Variants in DMRT3 observed in about 807,000 individuals in gnomAD.
DMRT3 encodes the protein doublesex and mab-3 related transcription factor 3.
Under a neutral mutation model 34.9 loss-of-function variants are expected in DMRT3, and 29 were observed. That is an observed-to-expected ratio of 0.83 (90% CI 0.62 to 1.13). DMRT3 has a LOEUF of 1.13. Ranked by LOEUF, DMRT3 falls within the 50% of genes most tolerant of loss-of-function variation. The probability of loss-of-function intolerance (pLI) is 0.00; values close to 1 mark genes in which losing one functional copy is unlikely to be tolerated. For synonymous variants in DMRT3, 350 were observed against 286.0 expected (o/e 1.22, Z -2.26); for missense variants, 772 against 629.1 (o/e 1.23, Z -2.43).
At chr9:978,249 C>A (rs1448853450) in intron 1 of DMRT3, among the ~76,000 whole-genome samples, 1 of 152,182 alleles carries the variant, frequency 6.6e-6, no homozygotes, top group Non-Finnish European at 1.5e-5. Context: ...TGATCCCCCA[C>A]CACCCATCCG....
chr9:984,909 AT>A (rs1258226006), intron 1 of DMRT3, among the ~76,000 whole-genome samples: 1 of 152,102 alleles, frequency 6.6e-6, no homozygotes, highest in Non-Finnish European at 1.5e-5. Context: ...TCAAACTGTA[AT>A]TTTAGATTGA....
chr9:990,321 G>GA lies in DMRT3; in HGVS notation c.738dup (p.Ala247SerfsTer7). 6.2e-7 allele frequency: 1 copy of GA among 1,613,794 alleles called. No homozygotes were observed. The highest frequency in any genetic ancestry group is 8.5e-7 in the Non-Finnish European group (1 of 1,180,032). On this transcript the variant is annotated frameshift_variant, in exon 2 of 2. Transcript: ENST00000190165. LOFTEE classifies it high-confidence loss of function. Reference sequence around the variant, plus strand: ...GGACTGTTTCTCTGCCCTTCAGCTTGAAAGCCAACAGACCGCCGCTTGAAG... The same window carrying GA: ...GGACTGTTTCTCTGCCCTTCAGCTTGAAAAGCCAACAGACCGCCGCTTGAAG...
At chr9:977,866 T>C (rs548390613) in intron 1 of DMRT3, among the ~76,000 whole-genome samples, 21 of 149,286 alleles carry the variant, frequency 1.4e-4, no homozygotes, top group African/African-American at 5.2e-4. Flanking sequence ...TCCTTGCCAT[T>C]TGGGGGTTGG....
At position 976,846 on chromosome 9, in the gene DMRT3, T is replaced by C; in HGVS notation, c.-156T>C. On this transcript the variant is annotated 5_prime_UTR_variant, in exon 1 of 2. Transcript: ENST00000190165. The surrounding 1 kb of genome is among the most constrained non-coding windows in gnomAD (Gnocchi z 4.5). Reference sequence around the variant, plus strand: ...GAGCTGGAGAGACGACTGCGGCACCTCCGGCCGCCCCGGAGCACACACGAC... The same window carrying C: ...GAGCTGGAGAGACGACTGCGGCACCCCCGGCCGCCCCGGAGCACACACGAC... The C allele has an allele frequency of 2.8e-6, 2 of 726,176 alleles. No individual in the cohort carries two copies. The highest frequency in any genetic ancestry group is 3.9e-6 in the Non-Finnish European group (2 of 511,242). 45.0% of individuals were successfully genotyped at this position (726,176 alleles called of 1,614,324 possible).
At chr9:989,981 C>T in intron 1 of DMRT3, 60 bp from the exon 2 acceptor site, 1 of 1,584,668 alleles carries the variant, frequency 6.3e-7, no homozygotes, top group Non-Finnish European at 8.6e-7. Flanking sequence ...CTCTTCTGAG[C>T]ACATCTGCTC....
Position 991,433 on chromosome 9 carries a change from G to C in DMRT3, c.*428G>C. On this transcript the variant is annotated 3_prime_UTR_variant, in exon 2 of 2. Transcript: ENST00000190165. ...AAAGGAAGTGGTTCTGTTGCAAATGGACTATAAACAGGGACATTATATTCT... is the reference window on the plus strand; with the variant it reads ...AAAGGAAGTGGTTCTGTTGCAAATGCACTATAAACAGGGACATTATATTCT... 6.3e-6 allele frequency: 1 copy of C among 158,346 alleles called. No individual in the cohort carries two copies. Among genetic ancestry groups the C allele is most frequent in the Admixed American group, 6.2e-5 (1 of 16,182 alleles). The allele number at this position is 158,346 out of a possible 1,614,324, so 9.8% of individuals were successfully genotyped here.
rs1303470760 is a variant in DMRT3, at chr9:990,293, C to G, written c.707C>G (p.Ser236Trp). ...EQNHLLIEGP[S>W]GTVSLPFSLK... is the part of the protein sequence containing the mutation. ...AATCACCTCCTGATTGAGGGCCCCT[C>G]GGGGACTGTTTCTCTGCCCTTCAGC... Residue 236 changes from serine (S) to tryptophan (W), a missense_variant, in exon 2 of 2, where the codon TCG (serine) becomes TGG (tryptophan). Physicochemically the swap from Ser to Trp is radical, Grantham distance 177 (BLOSUM62 -3). Transcript: ENST00000190165. 2 of 1,613,708 alleles carry G rather than the reference C, an allele frequency of 1.2e-6. No individual in the cohort carries two copies. Among genetic ancestry groups the G allele is most frequent in the Non-Finnish European group, 1.7e-6 (2 of 1,180,024 alleles).
intron 1 of DMRT3, among the ~76,000 whole-genome samples, chr9:989,521 A>T (rs1304368851): frequency 6.6e-6 from 1 of 152,236 alleles, no homozygotes; most frequent in Non-Finnish European, 1.5e-5. Flanking sequence ...TGATTGGTTC[A>T]TAAGACATAT....
rs369276136 is a variant in DMRT3 at position 977,161 on chromosome 9, A to G, written c.160A>G (p.Thr54Ala). ...HKRYCRFKDCTCEKCILIIER... is the reference protein window; with the variant it reads ...HKRYCRFKDCACEKCILIIER... ...GCGTTACTGCCGCTTCAAGGACTGC[A>G]CCTGCGAGAAGTGCATCCTCATCAT... Residue 54 changes from threonine to alanine, a missense_variant, in exon 1 of 2, where the codon ACC becomes GCC. By Grantham distance (58) the Thr-to-Ala change is moderately conservative. Coordinates refer to ENST00000190165, the MANE Select transcript of DMRT3 (RefSeq NM_021240.4). 1.4e-4 allele frequency: 232 copies of G among 1,611,576 alleles called. No individual in the cohort carries two copies. The highest frequency in any genetic ancestry group is 2.0e-5 in the Non-Finnish European group (24 of 1,179,218).
At chr9:981,527 G>A (rs74471070) in intron 1 of DMRT3, among the ~76,000 whole-genome samples, 1 of 152,202 alleles carries the variant, frequency 6.6e-6, no homozygotes, top group African/African-American at 2.4e-5. Context: ...AAAGGAATAC[G>A]CATACAGGCA....
At position 990,807 on chromosome 9, in the gene DMRT3, T is replaced by C. The variant is rs533827402; in HGVS notation, c.1221T>C (p.Tyr407=). The C allele has an allele frequency of 1.2e-6, 2 of 1,614,142 alleles. No homozygotes were observed. Among genetic ancestry groups the C allele is most frequent in the East Asian group, 2.2e-5 (1 of 44,880 alleles). ...LQQQYQLRSQ[Y]VSPFPSNSTS... is the part of the protein sequence containing the mutation. ...AGCAGTATCAGCTGAGGTCCCAGTA[T>C]GTCAGTCCTTTCCCCAGTAACTCTA... is the stretch of plus-strand genomic sequence containing the variant. Residue 407 remains tyrosine (Y), a synonymous_variant, in exon 2 of 2, where the codon TAT becomes TAC. Transcript: ENST00000190165.
chr9:977,025 C>T lies in DMRT3; in HGVS notation c.24C>T (p.Tyr8=), dbSNP rs765125297. The change falls in exon 1 of 2, where the codon TAC becomes TAT. Residue 8 remains tyrosine, a synonymous_variant. Transcript: ENST00000190165. The part of the protein sequence containing the change: MNGYGSP[Y]LYMGGPVSQP... ...GCATGAACGGCTACGGCTCCCCCTA[C>T]CTGTACATGGGCGGCCCGGTGTCGC... is the stretch of plus-strand genomic sequence containing the variant. 37 of 1,549,094 alleles carry T rather than the reference C, an allele frequency of 2.4e-5. No homozygotes were observed. The highest frequency in any genetic ancestry group is 2.2e-4 in the African/African-American group (16 of 72,040).
intron 1 of DMRT3, among the ~76,000 whole-genome samples, chr9:981,662 G>A (rs971320500): frequency 3.3e-5 from 5 of 152,108 alleles, no homozygotes; most frequent in South Asian, 4.1e-4. Flanking sequence ...TGTGTGTTGC[G>A]GAGGGTTGCG....
intron 1 of DMRT3, among the ~76,000 whole-genome samples, chr9:980,784 T>C (rs986051679): frequency 1.3e-5 from 2 of 152,244 alleles, no homozygotes; most frequent in Middle Eastern, 3.4e-3. Context: ...GGACGTGGGC[T>C]CAAGAGCTGA....
chr9:978,037 G>T (rs1820174363), intron 1 of DMRT3, among the ~76,000 whole-genome samples: 1 of 152,148 alleles, frequency 6.6e-6, no homozygotes, highest in Admixed American at 6.5e-5. Context: ...TTTGCTCCGT[G>T]GCCTCCAGAC....
intron 1 of DMRT3, among the ~76,000 whole-genome samples, chr9:984,551 G>C (rs946683329): frequency 6.6e-6 from 1 of 152,042 alleles, no homozygotes; most frequent in African/African-American, 2.4e-5. Context: ...CTGCCTCCCG[G>C]GTTCACGCCA....
rs1290759433 is a variant in DMRT3 at position 991,497 on chromosome 9, TAAGAA to T, written c.*493_*497del. On this transcript the variant is annotated 3_prime_UTR_variant, in exon 2 of 2. Transcript: ENST00000190165. ...CTTGCATTTTAAAGAGAGATGCACT[TAAGAA>T]TAGAGTGAACTGCTCATATGCTTAT... 1 of 154,890 alleles carries T rather than the reference TAAGAA, an allele frequency of 6.5e-6. No homozygotes were observed. The highest frequency in any genetic ancestry group is 2.4e-5 in the African/African-American group (1 of 41,476). 9.6% of individuals were successfully genotyped at this position (154,890 alleles called of 1,614,324 possible). A position where few individuals can be genotyped will look rare whatever the true frequency, so the allele number is the denominator to read the frequency against.
At chr9:982,985 G>C (rs1462534585) in intron 1 of DMRT3, among the ~76,000 whole-genome samples, 1 of 152,196 alleles carries the variant, frequency 6.6e-6, no homozygotes, top group Non-Finnish European at 1.5e-5. Context: ...AGGATGCAGT[G>C]ATAGGACAGC....
chr9:980,654 T>C (rs1310568873), intron 1 of DMRT3, among the ~76,000 whole-genome samples: 1 of 64,984 alleles, frequency 1.5e-5, no homozygotes, highest in African/African-American at 4.5e-5. Context: ...ATTCTTCTCC[T>C]AAATTCCCTC....
Sources: allele counts gnomAD v4.1 joint callset (sites outside exome capture counted in the v4.1 genomes callset), GRCh38; gene constraint gnomAD v4.1.1; non-coding constraint Gnocchi (gnomAD v3.1); transcripts MANE v1.5; gene names NCBI Gene and HGNC (gene_info 2026-07-23, HGNC 2026-07-21).